The following TNFAIP8 variants were observed in gnomAD, a reference collection of about 807,000 sequenced individuals.
The protein encoded by TNFAIP8 is tumor necrosis factor alpha-induced protein 8.
In TNFAIP8, 7 loss-of-function variants were observed where a neutral mutation model predicts 13.3. The ratio of observed to expected loss-of-function variants is 0.52; its 90% CI spans 0.30 to 0.99. The LOEUF is 0.99. TNFAIP8 is among the 50% of genes least tolerant of loss of function. TNFAIP8 has a pLI of 0.07. For synonymous variants in TNFAIP8, 94 were observed against 87.6 expected, an observed-to-expected ratio of 1.07 and a Z score of -0.41; for missense variants, 258 against 236.9, an observed-to-expected ratio of 1.09 and a Z score of -0.58.
intron 1 of TNFAIP8, among the ~76,000 whole-genome samples, chr5:119,370,899 C>T (rs886900245): frequency 6.6e-6 from 1 of 152,118 alleles, no homozygotes; most frequent in East Asian, 1.9e-4. Context: ...GGAATCTTTT[C>T]CTTTGGGAAC....
At chr5:119,320,825 C>A (rs1037963851) in intron 1 of TNFAIP8, among the ~76,000 whole-genome samples, 1 of 152,002 alleles carries the variant, frequency 6.6e-6, no homozygotes, top group African/African-American at 2.4e-5. Flanking sequence ...GGAATTGCCC[C>A]AGGGCTTAGT....
At chr5:119,311,226 G>T (rs1241355325) in intron 1 of TNFAIP8, among the ~76,000 whole-genome samples, 1 of 152,038 alleles carries the variant, frequency 6.6e-6, no homozygotes, top group East Asian at 1.9e-4. Flanking sequence ...GTCTTGCTAT[G>T]ATGCCCAAGC....
At chr5:119,388,630 TTTTTCTTTTCTTTTC>T (rs113406514) in intron 1 of TNFAIP8, among the ~76,000 whole-genome samples, 1 of 150,714 alleles carries the variant, frequency 6.6e-6, no homozygotes, top group Non-Finnish European at 1.5e-5. Flanking sequence ...AGCATCTTTT[TTTTTCTTTTCTTTTC>T]TTTTCTTTTC....
chr5:119,386,976 T>TA (rs1752703657), intron 1 of TNFAIP8, among the ~76,000 whole-genome samples: 1 of 82,308 alleles, frequency 1.2e-5, no homozygotes, highest in Non-Finnish European at 2.5e-5. Flanking sequence ...CCTCCCTCCC[T>TA]CCCTCTCTTT....
intron 1 of TNFAIP8, among the ~76,000 whole-genome samples, chr5:119,298,826 A>C (rs1258875351): frequency 3.3e-5 from 5 of 151,870 alleles, no homozygotes; most frequent in Admixed American, 1.3e-4. Context: ...TTTTTTCTCT[A>C]AACTTCCCTT....
intron 1 of TNFAIP8, among the ~76,000 whole-genome samples, chr5:119,276,146 C>G (rs973718858): frequency 6.7e-6 from 1 of 149,972 alleles, no homozygotes; most frequent in Non-Finnish European, 1.5e-5. Context: ...GAGTTGGAGT[C>G]TTGCTCTGTC....
intron 1 of TNFAIP8, among the ~76,000 whole-genome samples, chr5:119,329,453 C>T (rs1301419402): frequency 6.6e-6 from 1 of 152,168 alleles, no homozygotes; most frequent in East Asian, 1.9e-4. Flanking sequence ...GTTCACACTG[C>T]TTAACTCACT....
At position 119,395,987 on chromosome 5, in the gene TNFAIP8, T is replaced by G. The variant is rs931832364; in HGVS notation, c.*2606T>G. On this transcript the variant is annotated 3_prime_UTR_variant, in exon 2 of 2. Transcript: ENST00000504771. The stretch of plus-strand genomic sequence containing the variant: ...GTGGATGATAATACTAATGGACAAC[T>G]AACGCAGAGTAGTTTGTATTATGTG... The G allele has an allele frequency of 6.6e-6, 1 of 152,210 alleles. No individual in the cohort carries two copies. The allele number at this position is 152,210 out of a possible 1,614,324, so 9.4% of individuals were successfully genotyped here. A position where few individuals can be genotyped will look rare whatever the true frequency, so the allele number is the denominator to read the frequency against.
At chr5:119,279,529 T>G (rs1748566003) in intron 1 of TNFAIP8, among the ~76,000 whole-genome samples, 2 of 152,222 alleles carry the variant, frequency 1.3e-5, no homozygotes, top group South Asian at 4.1e-4. Flanking sequence ...GCAATTCTGG[T>G]AGATATCTAA....
chr5:119,307,199 C>T (rs1749593089), intron 1 of TNFAIP8, among the ~76,000 whole-genome samples: 1 of 152,082 alleles, frequency 6.6e-6, no homozygotes, highest in South Asian at 2.1e-4. Flanking sequence ...ATTCTAAATC[C>T]ATATTAAGAT....
At chr5:119,295,741 G>A (rs373190515) in intron 1 of TNFAIP8, among the ~76,000 whole-genome samples, 1 of 150,520 alleles carries the variant, frequency 6.6e-6, no homozygotes, top group Middle Eastern at 3.4e-3. Flanking sequence ...TTTTCACGAT[G>A]TTGATTCTTC....
chr5:119,326,251 A>C (rs1040981086), intron 1 of TNFAIP8, among the ~76,000 whole-genome samples: 2 of 152,242 alleles, frequency 1.3e-5, no homozygotes, highest in African/African-American at 4.8e-5. Flanking sequence ...TTGGAGCCAA[A>C]CATGGCTATC....
At chr5:119,363,211 G>T (rs1751699367) in intron 1 of TNFAIP8, among the ~76,000 whole-genome samples, 1 of 152,230 alleles carries the variant, frequency 6.6e-6, no homozygotes, top group Non-Finnish European at 1.5e-5. Context: ...CTGTAGAGAA[G>T]AGCTGCTGAA....
intron 1 of TNFAIP8, among the ~76,000 whole-genome samples, chr5:119,374,958 G>A (rs978520897): frequency 1.3e-5 from 2 of 152,164 alleles, no homozygotes; most frequent in African/African-American, 4.8e-5. Flanking sequence ...GAGTTAGATA[G>A]TGGTAATAGT....
chr5:119,370,362 T>C (rs1752026903), intron 1 of TNFAIP8, among the ~76,000 whole-genome samples: 1 of 152,150 alleles, frequency 6.6e-6, no homozygotes, highest in African/African-American at 2.4e-5. Context: ...TTAAGTTGAG[T>C]AAAGGAGGCT....
intron 1 of TNFAIP8, among the ~76,000 whole-genome samples, chr5:119,361,315 G>A (rs940475092): frequency 1.3e-5 from 2 of 152,212 alleles, no homozygotes; most frequent in South Asian, 2.1e-4. Flanking sequence ...TGAAGAAGAG[G>A]TACAGGGATG....
Position 119,365,002 on chromosome 5 carries a change from C to G in TNFAIP8, c.31+8881C>G, listed in dbSNP as rs188953858. ...GAGTAGCTGGGATTACAGGCGTTCA[C>G]CACCACGCCCAGCTAATTTTTGTAT... On this transcript the variant is annotated intron_variant, in intron 1 of 1. Coordinates refer to ENST00000504771, the MANE Select transcript of TNFAIP8 (RefSeq NM_014350.4). 6.9e-3 allele frequency among the ~76,000 whole-genome samples: 1,044 copies of G among 151,900 alleles called. 20 individuals carry two copies. The highest frequency in any genetic ancestry group is 0.024 in the African/African-American group (989 of 41,408).
intron 1 of TNFAIP8, among the ~76,000 whole-genome samples, chr5:119,270,256 A>T (rs934867090): frequency 6.6e-6 from 1 of 152,276 alleles, no homozygotes; most frequent in African/African-American, 2.4e-5. Flanking sequence ...TGTATTACAC[A>T]GAAGTGTTTC....
chr5:119,340,987 C>T (rs1161486648), intron 1 of TNFAIP8, among the ~76,000 whole-genome samples: 2 of 151,930 alleles, frequency 1.3e-5, no homozygotes, highest in Non-Finnish European at 1.5e-5. Flanking sequence ...GAAGGAAGCT[C>T]AGTGACTCCT....
Sources: allele counts gnomAD v4.1 joint callset (sites outside exome capture counted in the v4.1 genomes callset), GRCh38; gene constraint gnomAD v4.1.1; transcripts MANE v1.5; gene names NCBI Gene and HGNC (gene_info 2026-07-23, HGNC 2026-07-21).